TF: variants seen among roughly 807,000 people sequenced by gnomAD.
TF encodes serotransferrin.
A neutral mutation model predicts 82.4 loss-of-function variants in TF; 55 were observed. The observed-to-expected ratio is 0.67, with a 90% CI of 0.54 to 0.84. The LOEUF (loss-of-function observed/expected upper bound fraction) is 0.84, where lower values mean the gene tolerates loss of function less well. TF is among the 40% of genes least tolerant of loss of function. The pLI is 0.00. For missense variants in TF, 737 were observed against 868.4 expected (o/e 0.85, Z 1.90); for synonymous variants, 332 against 332.6 (o/e 1.00, Z 0.02).
At chr3:133,732,235 A>G in the TF span, among the ~76,000 whole-genome samples, 1 of 152,220 alleles carries the variant, frequency 6.6e-6, no homozygotes, top group African/African-American at 2.4e-5. Context: ...TTGAGAGGTG[A>G]AGCTGGCTGG....
At chr3:133,737,885 C>T in the TF span, among the ~76,000 whole-genome samples, 1 of 152,096 alleles carries the variant, frequency 6.6e-6, no homozygotes, top group Non-Finnish European at 1.5e-5. Context: ...ACCAGAGGTA[C>T]AAAGAAGAGC....
chr3:133,748,426 G>A lies in TF; in HGVS notation c.58G>A (p.Val20Ile). ...CTCTCCCCCAGGGCTGTGTCTGGCTGTCCCTGATAAAACTGTGAGATGGTG... is the reference window on the plus strand; with the variant it reads ...CTCTCCCCCAGGGCTGTGTCTGGCTATCCCTGATAAAACTGTGAGATGGTG... ...VCAVLGLCLA[V>I]PDKTVRWCAV... The change falls in exon 2 of 17, where the codon GTC (valine) becomes ATC (isoleucine). Residue 20 changes from valine to isoleucine, a missense_variant. Coordinates refer to ENST00000402696, the MANE Select transcript of TF (RefSeq NM_001063.4). 1 of 1,614,128 alleles carries A rather than the reference G, an allele frequency of 6.2e-7. No homozygotes were observed. Among genetic ancestry groups the A allele is most frequent in the African/African-American group, 1.3e-5 (1 of 75,020 alleles).
Position 133,790,084 on chromosome 3 carries a change from G to A in TF, c.*11464G>A, listed in dbSNP as rs1284799081. The A allele has an allele frequency of 3.9e-5, 6 of 152,088 alleles. No homozygotes were observed. Among genetic ancestry groups the A allele is most frequent in the Admixed American group, 6.5e-5 (1 of 15,276 alleles). 9.4% of individuals were successfully genotyped at this position (152,088 alleles called of 1,614,324 possible). On this transcript the variant is annotated 3_prime_UTR_variant, in exon 17 of 17. Transcript: ENST00000402696. ...GTGTCTAACATTTCGGTTTACAGAG[G>A]TAATCTAGATAAACTGTTAAAAGTG...
chr3:133,665,049 C>G, the TF span: 1 of 152,146 alleles, frequency 6.6e-6, no homozygotes, highest in African/African-American at 2.4e-5. Context: ...CGTGGTGACT[C>G]TCGCCTGTAA....
intron 6 of TF, 71 bp from the exon 7 acceptor site, chr3:133,756,760 T>A: frequency 1.3e-6 from 2 of 1,582,866 alleles, no homozygotes; most frequent in Non-Finnish European, 1.7e-6. Flanking sequence ...TATGATCAAT[T>A]GAATTTCAAG....
At chr3:133,775,107 G>T in intron 14 of TF, 1 of 393,940 alleles carries the variant, frequency 2.5e-6, no homozygotes, top group Non-Finnish European at 4.8e-6. Context: ...TTCCTCTGTT[G>T]GAGCAAGAGG....
the TF span, among the ~76,000 whole-genome samples, chr3:133,663,322 G>A: frequency 1.4e-5 from 2 of 142,208 alleles, no homozygotes; most frequent in East Asian, 4.0e-4. Flanking sequence ...AATAAAATCT[G>A]TCTTACTGTG....
the TF span, among the ~76,000 whole-genome samples, chr3:133,706,577 G>A: frequency 2.0e-5 from 3 of 152,034 alleles, no homozygotes; most frequent in African/African-American, 7.2e-5. Flanking sequence ...GCTGGGGCTA[G>A]CAATCTATGT....
upstream of TF, among the ~76,000 whole-genome samples, chr3:133,744,383 C>T (rs1177321658): frequency 1.3e-5 from 2 of 152,244 alleles, no homozygotes; most frequent in African/African-American, 4.8e-5. Context: ...CTGGCAGACC[C>T]TGCAAGCTTA....
chr3:133,676,496 G>C, the TF span, among the ~76,000 whole-genome samples: 1 of 152,220 alleles, frequency 6.6e-6, no homozygotes, highest in South Asian at 2.1e-4. Flanking sequence ...TGTTGGTTCT[G>C]TCCAGCCCTG....
At position 133,759,252 on chromosome 3, in the gene TF, GA is replaced by G; in HGVS notation, c.1127del (p.Glu376GlyfsTer7). 1.2e-6 allele frequency: 2 copies of G among 1,614,146 alleles called. No homozygotes were observed. Among genetic ancestry groups the G allele is most frequent in the Non-Finnish European group, 1.7e-6 (2 of 1,180,038 alleles). On this transcript the variant is annotated frameshift_variant, in exon 9 of 17. Coordinates refer to ENST00000402696, the MANE Select transcript of TF (RefSeq NM_001063.4). LOFTEE classifies it high-confidence loss of function. Reference protein sequence around the residue: ...LSHHERLKCDEWSVNSVGKIE... With the variant: ...LSHHERLKCDXWSVNSVGKIE... ...CCACCACGAGAGGCTCAAGTGTGATGAGTGGAGTGTTAACAGTGTAGGGAAA... is the reference window on the plus strand; with the variant it reads ...CCACCACGAGAGGCTCAAGTGTGATGGTGGAGTGTTAACAGTGTAGGGAAA...
At chr3:133,777,306 G>T in intron 16 of TF, 68 bp downstream of exon 16, 1 of 1,505,662 alleles carries the variant, frequency 6.6e-7, no homozygotes, top group Non-Finnish European at 9.1e-7. Context: ...ATGGTGGGTG[G>T]GTACAGGAGG....
At chr3:133,763,442 G>A (rs1559874023) in intron 9 of TF, among the ~76,000 whole-genome samples, 1 of 152,160 alleles carries the variant, frequency 6.6e-6, no homozygotes, top group Non-Finnish European at 1.5e-5. Context: ...GCATGGATGT[G>A]CTTCCACTTA....
chr3:133,751,774 C>T (rs1023726647), intron 2 of TF, among the ~76,000 whole-genome samples: 26 of 151,898 alleles, frequency 1.7e-4, no homozygotes. Flanking sequence ...GGTGGATCAC[C>T]TGAGGTCAGG....
At chr3:133,727,371 A>C in the TF span, among the ~76,000 whole-genome samples, 3 of 148,318 alleles carry the variant, frequency 2.0e-5, no homozygotes, top group African/African-American at 7.5e-5. Flanking sequence ...TAGGATAGTT[A>C]GCTCTTCTTG....
chr3:133,697,642 G>GC, the TF span, among the ~76,000 whole-genome samples: 4 of 152,310 alleles, frequency 2.6e-5, no homozygotes, highest in Non-Finnish European at 5.9e-5. Context: ...GGCTGCTGCT[G>GC]CCCCCCTGGG....
At chr3:133,727,996 G>T in the TF span, among the ~76,000 whole-genome samples, 1 of 152,156 alleles carries the variant, frequency 6.6e-6, no homozygotes, top group Non-Finnish European at 1.5e-5. Context: ...ACTCTCTTCT[G>T]GCTGGCAGGG....
In TF at chr3:133,757,868, G is replaced by T. The variant is rs1447255392; in HGVS notation, c.970G>T (p.Val324Phe). 2.5e-6 allele frequency: 4 copies of T among 1,614,040 alleles called. No individual in the cohort carries two copies. Among genetic ancestry groups the T allele is most frequent in the Middle Eastern group, 1.6e-4 (1 of 6,084 alleles). The change falls in exon 8 of 17, where the codon GTC becomes TTC. Residue 324 changes from valine (V) to phenylalanine (F), a missense_variant. Coordinates refer to ENST00000402696, the MANE Select transcript of TF (RefSeq NM_001063.4). Reference sequence around the variant, plus strand: ...GGACTCTGCCCACGGGTTTTTAAAAGTCCCCCCCAGGATGGATGCCAAGAT... The same window carrying T: ...GGACTCTGCCCACGGGTTTTTAAAATTCCCCCCCAGGATGGATGCCAAGAT... The part of the protein sequence containing the change: ...FKDSAHGFLK[V>F]PPRMDAKMYL...
the TF span, among the ~76,000 whole-genome samples, chr3:133,672,824 AG>A: frequency 6.6e-6 from 1 of 152,044 alleles, no homozygotes; most frequent in Non-Finnish European, 1.5e-5. Flanking sequence ...AGAAAAAGAA[AG>A]AAAAAAGAGA....
Sources: gnomAD v4.1 joint callset for allele counts (sites outside exome capture counted in the v4.1 genomes callset) on GRCh38, gnomAD v4.1.1 for gene constraint, MANE v1.5 for transcripts, NCBI Gene and HGNC (gene_info 2026-07-23, HGNC 2026-07-21) for gene names.